Variants in BIRC3 observed in about 807,000 individuals in gnomAD.
BIRC3 encodes baculoviral IAP repeat containing 3.
In BIRC3, 26 loss-of-function variants were observed where a neutral mutation model predicts 59.0. That is an observed-to-expected ratio of 0.44 (90% CI 0.32 to 0.61). The LOEUF (loss-of-function observed/expected upper bound fraction) is 0.61, where lower values mean the gene tolerates loss of function less well. Ranked by LOEUF, BIRC3 falls within the 20% of genes least tolerant of loss-of-function variation. The pLI is 0.04. For missense variants in BIRC3, 641 were observed against 711.5 expected (o/e 0.90, Z 1.13); for synonymous variants, 243 against 249.2 (o/e 0.98, Z 0.24).
intron 3 of BIRC3, among the ~76,000 whole-genome samples, chr11:102,326,257 A>G (rs1025636110): frequency 6.6e-6 from 1 of 152,248 alleles, no homozygotes; most frequent in Non-Finnish European, 1.5e-5. Context: ...AGTACAATCA[A>G]TAAAAAGAAC....
rs1220155300 is a variant in BIRC3, at chr11:102,336,776, A to G, written c.1596A>G (p.Lys532=). 23 of 1,607,874 alleles carry G rather than the reference A, an allele frequency of 1.4e-5. No homozygotes were observed. Among genetic ancestry groups the G allele is most frequent in the Non-Finnish European group, 2.0e-5 (23 of 1,177,210 alleles). Residue 532 remains lysine (K), a synonymous_variant, in exon 8 of 9, where the codon AAA becomes AAG. Transcript: ENST00000263464. ...CTCCCTTAGTGCAACAGGACATAAA[A>G]TATATTCCCACAGAAGATGTTTCAG... ...YEHLFVQQDI[K]YIPTEDVSDL...
Position 102,331,146 on chromosome 11 carries a change from ATAGAC to A in BIRC3, c.1233_1237del (p.Arg411SerfsTer3). 6.2e-7 allele frequency: 1 copy of A among 1,613,850 alleles called. No individual in the cohort carries two copies. The highest frequency in any genetic ancestry group is 8.5e-7 in the Non-Finnish European group (1 of 1,179,868). The stretch of plus-strand genomic sequence containing the variant: ...AAAATCCTAGCAACTGGAGAGAATT[ATAGAC>A]TAGTCAATGATCTTGTGTTAGACTT... On this transcript the variant is annotated frameshift_variant, in exon 6 of 9. Transcript: ENST00000263464. LOFTEE classifies it high-confidence loss of function.
At position 102,338,301 on chromosome 11, in the gene BIRC3, G is replaced by A. The variant is rs575044228; in HGVS notation, c.*1199G>A. 44 of 228,576 alleles carry A rather than the reference G, an allele frequency of 1.9e-4. No individual in the cohort carries two copies. The highest frequency in any genetic ancestry group is 1.3e-3 in the Middle Eastern group (1 of 752). 14.2% of individuals were successfully genotyped at this position (228,576 alleles called of 1,614,324 possible). ...AGGCTAGTCATCTAAACCAGTTCTA[G>A]ATGTCTGTATAGGGGCAGATGGCTC... On this transcript the variant is annotated 3_prime_UTR_variant, in exon 9 of 9. Transcript: ENST00000263464.
chr11:102,330,877 A>T, intron 5 of BIRC3, 122 bp from the exon 6 acceptor site: 1 of 1,007,614 alleles, frequency 9.9e-7, no homozygotes, highest in Non-Finnish European at 1.4e-6. Flanking sequence ...ATGCCTATAC[A>T]TTTTGTTGGT....
intron 3 of BIRC3, 58 bp downstream of exon 3, chr11:102,325,623 T>C (rs1951073949): frequency 1.4e-6 from 2 of 1,475,938 alleles, no homozygotes; most frequent in Admixed American, 3.6e-5. Context: ...ATTGCTTATA[T>C]GTGTTCACCT....
rs3834449 is a variant in BIRC3 at position 102,322,935 on chromosome 11, A to AT, written c.-1567dup. 107 of 204,376 alleles carry AT rather than the reference A, an allele frequency of 5.2e-4. No individual in the cohort carries two copies. The highest frequency in any genetic ancestry group is 1.3e-3 in the African/African-American group (59 of 43,726). The allele number at this position is 204,376 out of a possible 1,614,324, so 12.7% of individuals were successfully genotyped here. A position where few individuals can be genotyped will look rare whatever the true frequency, so the allele number is the denominator to read the frequency against. On this transcript the variant is annotated 5_prime_UTR_variant, in exon 2 of 9. It removes the in-frame stop codon of an upstream open reading frame in the 5' UTR. Coordinates refer to ENST00000263464, the MANE Select transcript of BIRC3 (RefSeq NM_001165.5). ...CTGCTGTTGAAATGGTAAATTTATT[A>AT]TTTTTTTTGTCATGATAAATTCTGG...
intron 1 of BIRC3, chr11:102,320,112 G>GC (rs1301468343): frequency 6.6e-6 from 1 of 151,926 alleles, no homozygotes; most frequent in Non-Finnish European, 1.5e-5. Flanking sequence ...CAAGTTATCT[G>GC]CTTTCCTTGG....
At position 102,321,736 on chromosome 11, in the gene BIRC3, T is replaced by C. The variant is rs960086888; in HGVS notation, c.-2673-101T>C. ...TACATGGTAAACGATCAGTAATTAC[T>C]AGTACTCTATTTTGGAGAAAATGAT... is the stretch of plus-strand genomic sequence containing the variant. On this transcript the variant is annotated intron_variant, in intron 1 of 8. Coordinates refer to ENST00000263464, the MANE Select transcript of BIRC3 (RefSeq NM_001165.5). The C allele has an allele frequency of 3.6e-5, 6 of 167,550 alleles. No homozygotes were observed. In the East Asian group the frequency reaches 6.9e-4, roughly 19 times the overall value. 10.4% of individuals were successfully genotyped at this position (167,550 alleles called of 1,614,324 possible). A position where few individuals can be genotyped will look rare whatever the true frequency, so the allele number is the denominator to read the frequency against.
chr11:102,326,375 A>G (rs1435920824), intron 3 of BIRC3, among the ~76,000 whole-genome samples: 1 of 152,188 alleles, frequency 6.6e-6, no homozygotes, highest in Non-Finnish European at 1.5e-5. Flanking sequence ...TTTTAATGTG[A>G]TGTGTTACCC....
At chr11:102,326,782 A>G (rs771157141) in intron 3 of BIRC3, 1 of 454,546 alleles carries the variant, frequency 2.2e-6, no homozygotes, top group Non-Finnish European at 4.4e-6. Context: ...ATGTCAGCTC[A>G]CTGCAACCTC....
Position 102,326,483 on chromosome 11 carries a change from C to T in BIRC3, c.953+918C>T, listed in dbSNP as rs17878652. On this transcript the variant is annotated intron_variant, in intron 3 of 8. Coordinates refer to ENST00000263464, the MANE Select transcript of BIRC3 (RefSeq NM_001165.5). ...GTGGGTAAGAAACTTAATGTACTAA[C>T]TAAAATATCAGCTTCAAAAAGTTTT... 5.6e-3 allele frequency among the ~76,000 whole-genome samples: 846 copies of T among 152,266 alleles called. 16 individuals carry two copies. Among genetic ancestry groups the T allele is most frequent in the African/African-American group, 0.019 (801 of 41,540 alleles).
chr11:102,334,155 A>G (rs1421953102), intron 6 of BIRC3, among the ~76,000 whole-genome samples: 1 of 152,238 alleles, frequency 6.6e-6, no homozygotes, highest in Non-Finnish European at 1.5e-5. Context: ...TTGAAAAACT[A>G]GTATACTTCA....
chr11:102,332,275 G>A (rs1029684736), intron 6 of BIRC3, among the ~76,000 whole-genome samples: 1 of 152,158 alleles, frequency 6.6e-6, no homozygotes. Flanking sequence ...CCCAAGCATG[G>A]ACCAGACCTA....
At chr11:102,334,811 G>A (rs1416875498) in intron 6 of BIRC3, among the ~76,000 whole-genome samples, 1 of 152,160 alleles carries the variant, frequency 6.6e-6, no homozygotes, top group African/African-American at 2.4e-5. Context: ...GGACGAGAAG[G>A]TAGTCGTTGA....
chr11:102,331,439 G>T (rs17769668), intron 6 of BIRC3, among the ~76,000 whole-genome samples, 198 bp downstream of exon 6: 1 of 152,010 alleles, frequency 6.6e-6, no homozygotes, highest in African/African-American at 2.4e-5. Flanking sequence ...AGTCAAAAAT[G>T]TATGATGTAC....
intron 6 of BIRC3, among the ~76,000 whole-genome samples, chr11:102,334,337 T>C (rs530824365): frequency 6.6e-5 from 10 of 152,366 alleles, no homozygotes; most frequent in East Asian, 1.9e-4. Context: ...CAGATATTTA[T>C]GGAGCATTAA....
chr11:102,326,696 T>C, intron 3 of BIRC3: 1 of 454,546 alleles, frequency 2.2e-6, no homozygotes, highest in Non-Finnish European at 4.4e-6. Flanking sequence ...TCTTAACTTA[T>C]TTTGATTACT....
intron 1 of BIRC3, among the ~76,000 whole-genome samples, chr11:102,318,097 C>T (rs181861715): frequency 1.3e-5 from 2 of 152,276 alleles, no homozygotes; most frequent in Non-Finnish European, 2.9e-5. Flanking sequence ...GCTAACGTAA[C>T]AATAATATTA....
chr11:102,324,892 C>G lies in BIRC3; in HGVS notation c.383C>G (p.Thr128Arg), dbSNP rs368897232. The stretch of plus-strand genomic sequence containing the variant: ...TCCACACACTCATTACTTCCGGGTA[C>G]AGAAAACAGTGGATATTTCCGTGGC... ...TNSTHSLLPG[T>R]ENSGYFRGSY... The change falls in exon 2 of 9, where the codon ACA (threonine) becomes AGA (arginine). Residue 128 changes from threonine (T) to arginine (R), a missense_variant. This residue lies in a region of BIRC3 where 329 missense variants were observed against 365.6 expected (regional missense o/e 0.90). Coordinates refer to ENST00000263464, the MANE Select transcript of BIRC3 (RefSeq NM_001165.5). 1.9e-6 allele frequency: 3 copies of G among 1,614,204 alleles called. No individual in the cohort carries two copies. The highest frequency in any genetic ancestry group is 1.1e-5 in the South Asian group (1 of 91,080).
Sources: gnomAD v4.1 joint callset for allele counts (sites outside exome capture counted in the v4.1 genomes callset) on GRCh38, gnomAD v4.1.1 for gene constraint, gnomAD v4.1.1 regional missense constraint, MANE v1.5 for transcripts, NCBI Gene and HGNC (gene_info 2026-07-23, HGNC 2026-07-21) for gene names.